The following ACSS3 variants were observed in gnomAD, a reference collection of about 807,000 sequenced individuals.
ACSS3 encodes the protein acyl-CoA synthetase short chain family member 3.
Under a neutral mutation model 84.2 loss-of-function variants are expected in ACSS3, and 64 were observed. That is an observed-to-expected ratio of 0.76 (90% CI 0.62 to 0.94). The LOEUF (loss-of-function observed/expected upper bound fraction) is 0.94. ACSS3 is among the 40% of genes least tolerant of loss of function. ACSS3 has a pLI of 0.00. For missense variants in ACSS3, 815 were observed against 867.6 expected (o/e 0.94, Z 0.76); for synonymous variants, 317 against 310.1 (o/e 1.02, Z -0.23).
chr12:81,210,533 G>GCTTT (rs36053808), intron 9 of ACSS3, among the ~76,000 whole-genome samples: 64,859 of 151,646 alleles, frequency 0.43, 14,315 homozygotes, highest in Middle Eastern at 0.49. Flanking sequence ...AAATAAGAAG[G>GCTTT]CTATGAACCT....
intron 7 of ACSS3, among the ~76,000 whole-genome samples, chr12:81,164,178 T>A (rs1887290785): frequency 1.3e-5 from 2 of 152,204 alleles, no homozygotes; most frequent in South Asian, 4.1e-4. Context: ...TTTTTACTGT[T>A]ATTTTTCTAT....
At chr12:81,085,670 AC>A (rs1321456387) in intron 1 of ACSS3, among the ~76,000 whole-genome samples, 2 of 152,236 alleles carry the variant, frequency 1.3e-5, no homozygotes. Flanking sequence ...ATTTTTGGCT[AC>A]TAAATTGAAG....
chr12:81,179,100 G>A (rs1467896098), intron 8 of ACSS3, among the ~76,000 whole-genome samples: 1 of 151,754 alleles, frequency 6.6e-6, no homozygotes, highest in Non-Finnish European at 1.5e-5. Context: ...TATGCGTAAG[G>A]TTAAAACCAG....
intron 2 of ACSS3, among the ~76,000 whole-genome samples, chr12:81,114,328 T>A (rs1256547557): frequency 6.6e-6 from 1 of 152,162 alleles, no homozygotes; most frequent in South Asian, 2.1e-4. Flanking sequence ...AAAATTATTC[T>A]GAAATCAAGG....
At chr12:81,089,549 T>A (rs938983480) in intron 1 of ACSS3, among the ~76,000 whole-genome samples, 1 of 152,034 alleles carries the variant, frequency 6.6e-6, no homozygotes, top group Admixed American at 6.6e-5. Flanking sequence ...TCTAAAAATG[T>A]TAAATGCTTC....
chr12:81,177,354 A>G (rs2030562365), intron 8 of ACSS3, among the ~76,000 whole-genome samples: 2 of 152,210 alleles, frequency 1.3e-5, no homozygotes, highest in African/African-American at 2.4e-5. Flanking sequence ...TCCAGAAGGA[A>G]AAGAGGAAGT....
intron 10 of ACSS3, among the ~76,000 whole-genome samples, chr12:81,218,585 G>A (rs2135945970): frequency 6.6e-6 from 1 of 152,202 alleles, no homozygotes; most frequent in African/African-American, 2.4e-5. Context: ...TCCAGCCCTG[G>A]AAAGGTGAAC....
chr12:81,228,039 A>G lies in ACSS3; in HGVS notation c.1515-3018A>G, dbSNP rs1921071. Among the ~76,000 whole-genome samples, 3 of 151,666 alleles carry G rather than the reference A, an allele frequency of 2.0e-5. No homozygotes were observed. In the East Asian group the frequency reaches 5.9e-4, roughly 30 times the overall value. On this transcript the variant is annotated intron_variant, in intron 11 of 15. Transcript: ENST00000548058. The stretch of plus-strand genomic sequence containing the variant: ...TGGCTTTAATTCCAGAGAGAAAGTG[A>G]AGAGCTGAGATTTTCTATTCTTAAT...
chr12:81,245,135 C>CT (rs2033940886), intron 13 of ACSS3, among the ~76,000 whole-genome samples: 1 of 152,086 alleles, frequency 6.6e-6, no homozygotes, highest in South Asian at 2.1e-4. Flanking sequence ...GGACTGTGAA[C>CT]TTCATCAGTT....
intron 1 of ACSS3, among the ~76,000 whole-genome samples, chr12:81,086,678 A>G (rs1881336147): frequency 6.6e-6 from 1 of 152,188 alleles, no homozygotes; most frequent in South Asian, 2.1e-4. Flanking sequence ...ATTAGTTGAA[A>G]GGACAAAAAA....
chr12:81,128,300 C>G (rs117695589), intron 2 of ACSS3, among the ~76,000 whole-genome samples: 1 of 152,010 alleles, frequency 6.6e-6, no homozygotes, highest in Non-Finnish European at 1.5e-5. Context: ...TAAATTGAAC[C>G]AATGACAGGA....
At chr12:81,203,669 G>A (rs932350948) in intron 9 of ACSS3, among the ~76,000 whole-genome samples, 8 of 152,142 alleles carry the variant, frequency 5.3e-5, no homozygotes, top group Non-Finnish European at 1.5e-5. Flanking sequence ...CACCACTGAA[G>A]CATGAATCTC....
chr12:81,139,211 A>T lies in ACSS3; in HGVS notation c.726A>T (p.Leu242=). 6.2e-7 allele frequency: 1 copy of T among 1,614,054 alleles called. No individual in the cohort carries two copies. Among genetic ancestry groups the T allele is most frequent in the Non-Finnish European group, 8.5e-7 (1 of 1,179,952 alleles). ...VEYVPLVEEA[L]KIGQHKPDKI... ...ACGTACCACTTGTAGAAGAAGCGCTAAAAATAGGACAACACAAACCAGACA... is the reference window on the plus strand; with the variant it reads ...ACGTACCACTTGTAGAAGAAGCGCTTAAAATAGGACAACACAAACCAGACA... Residue 242 remains leucine (L), a synonymous_variant, in exon 4 of 16, where the codon CTA becomes CTT. Coordinates refer to ENST00000548058, the MANE Select transcript of ACSS3 (RefSeq NM_024560.4).
intron 13 of ACSS3, among the ~76,000 whole-genome samples, chr12:81,235,280 G>A (rs556954679): frequency 4.7e-5 from 7 of 150,456 alleles, no homozygotes; most frequent in African/African-American, 1.5e-4. Context: ...ATTGATCTAT[G>A]TTTTTTTTAT....
intron 5 of ACSS3, among the ~76,000 whole-genome samples, chr12:81,150,400 A>T (rs895578730): frequency 6.6e-6 from 1 of 152,234 alleles, no homozygotes; most frequent in Non-Finnish European, 1.5e-5. Flanking sequence ...TATCAGATTC[A>T]TCAATCTGTT....
chr12:81,165,703 C>T (rs1887370559), intron 7 of ACSS3, among the ~76,000 whole-genome samples: 1 of 151,884 alleles, frequency 6.6e-6, no homozygotes, highest in Non-Finnish European at 1.5e-5. Flanking sequence ...TCAAGACACA[C>T]CTAACAAACT....
chr12:81,098,173 TGTGTGTGA>T (rs1413891524), intron 1 of ACSS3, among the ~76,000 whole-genome samples: 3 of 150,340 alleles, frequency 2.0e-5, no homozygotes, highest in African/African-American at 7.4e-5. Context: ...TGTGTGTGTG[TGTGTGTGA>T]GACTGTGCCC....
Position 81,231,116 on chromosome 12 carries a change from A to G in ACSS3, c.1574A>G (p.His525Arg), listed in dbSNP as rs1339571050. The G allele has an allele frequency of 1.9e-6, 3 of 1,609,778 alleles. No homozygotes were observed. The highest frequency in any genetic ancestry group is 1.3e-5 in the African/African-American group (1 of 74,598). The change falls in exon 12 of 16, where the codon CAT becomes CGT. Residue 525 changes from histidine (H) to arginine (R), a missense_variant. Physicochemically the swap from His to Arg is conservative, Grantham distance 29. Coordinates refer to ENST00000548058, the MANE Select transcript of ACSS3 (RefSeq NM_024560.4). Reference sequence around the variant, plus strand: ...TGGAAGAATCAGGAAGCATTCAAGCATTTATACTTTGAAAAATTTCCTGTA... The same window carrying G: ...TGGAAGAATCAGGAAGCATTCAAGCGTTTATACTTTGAAAAATTTCCTGTA... ...GLWKNQEAFK[H>R]LYFEKFPGYY...
chr12:81,137,743 G>A (rs1045023784), intron 3 of ACSS3, among the ~76,000 whole-genome samples: 4 of 152,024 alleles, frequency 2.6e-5, no homozygotes, highest in African/African-American at 9.7e-5. Flanking sequence ...TTGATATGTA[G>A]CTTGCTTTTG....
Sources: gnomAD v4.1 joint callset for allele counts (sites outside exome capture counted in the v4.1 genomes callset) on GRCh38, gnomAD v4.1.1 for gene constraint, MANE v1.5 for transcripts, NCBI Gene and HGNC (gene_info 2026-07-23, HGNC 2026-07-21) for gene names.